Variants in CSMD3 observed in about 807,000 individuals in gnomAD.
The protein encoded by CSMD3 is CUB and Sushi multiple domains 3, also known as CUB and sushi domain-containing protein 3.
A neutral mutation model predicts 435.2 loss-of-function variants in CSMD3; 177 were observed. The ratio of observed to expected loss-of-function variants is 0.41; its 90% CI spans 0.36 to 0.46. The LOEUF (loss-of-function observed/expected upper bound fraction) is 0.46, where lower values mean the gene tolerates loss of function less well. Among genes scored for constraint, CSMD3 ranks in the 20% least tolerant of loss-of-function variants. The probability of loss-of-function intolerance (pLI) is 0.34; values close to 1 mark genes in which losing one functional copy is unlikely to be tolerated. For synonymous variants in CSMD3, 1,656 were observed against 1,520.5 expected (o/e 1.09, Z -2.07); for missense variants, 4,265 against 4,504.6 (o/e 0.95, Z 1.52).
intron 50 of CSMD3, among the ~76,000 whole-genome samples, chr8:112,307,032 G>GAA (rs71672988): frequency 7.2e-6 from 1 of 138,160 alleles, no homozygotes; most frequent in African/African-American, 2.6e-5. Flanking sequence ...CTTAGAAACA[G>GAA]AAAAAAAAAA....
chr8:112,688,839 T>G (rs868180068), intron 14 of CSMD3, among the ~76,000 whole-genome samples: 14 of 152,006 alleles, frequency 9.2e-5, no homozygotes, highest in Non-Finnish European at 1.3e-4. Context: ...AAAATTGGTT[T>G]TAGTCAGCAA....
At chr8:113,042,970 T>C (rs985846719) in intron 5 of CSMD3, among the ~76,000 whole-genome samples, 2 of 152,196 alleles carry the variant, frequency 1.3e-5, no homozygotes, top group African/African-American at 2.4e-5. Context: ...CTAAATATTC[T>C]TCTTCTGAAC....
rs558289601 is a variant in CSMD3, at chr8:112,861,927, T to C, written c.1634-2661A>G. 8.5e-5 allele frequency among the ~76,000 whole-genome samples: 13 copies of C among 152,052 alleles called. No individual in the cohort carries two copies. The East Asian group carries it at 2.5e-3, about 29-fold the overall frequency. ...GTCAAGGCCTTGTTTATCATCTTTG[T>C]TAACTCATAGTACAATGGCTTTCAT... On this transcript the variant is annotated intron_variant, in intron 10 of 70. Transcript: ENST00000297405.
intron 1 of CSMD3, among the ~76,000 whole-genome samples, chr8:113,367,794 C>G (rs1360008398): frequency 1.3e-5 from 2 of 152,028 alleles, no homozygotes; most frequent in Non-Finnish European, 2.9e-5. Context: ...AAGCCTCAAC[C>G]CAAACCATAT....
chr8:113,312,279 AC>A (rs2093875476), intron 2 of CSMD3: 1 of 152,154 alleles, frequency 6.6e-6, no homozygotes, highest in Admixed American at 6.5e-5. Flanking sequence ...TAATTATTTT[AC>A]ATTGTTTGGA....
At chr8:112,593,569 T>C (rs752626034) in intron 22 of CSMD3, among the ~76,000 whole-genome samples, 3 of 152,116 alleles carry the variant, frequency 2.0e-5, no homozygotes, top group Non-Finnish European at 4.4e-5. Flanking sequence ...ACCCATGAGA[T>C]TGATCTTTTA....
rs57096568 is a variant in CSMD3, at chr8:113,060,688, T to C, written c.917+38068A>G. Reference sequence around the variant, plus strand: ...AAATATTAAGTTCATATTATGCATTTGGATTTTCTTTAAAAAAGGTAGCCA... The same window carrying C: ...AAATATTAAGTTCATATTATGCATTCGGATTTTCTTTAAAAAAGGTAGCCA... On this transcript the variant is annotated intron_variant, in intron 5 of 70. Transcript: ENST00000297405. Among the ~76,000 whole-genome samples the C allele has an allele frequency of 9.9e-3, 1,505 of 152,268 alleles. 35 individuals carry two copies. The highest frequency in any genetic ancestry group is 0.035 in the African/African-American group (1,434 of 41,558).
chr8:112,728,045 T>C (rs537209980), intron 13 of CSMD3, among the ~76,000 whole-genome samples: 10 of 152,084 alleles, frequency 6.6e-5, no homozygotes, highest in Admixed American at 5.9e-4. Flanking sequence ...TCTTGTTGTT[T>C]ATCATAAAAG....
intron 11 of CSMD3, among the ~76,000 whole-genome samples, chr8:112,848,350 T>A (rs2080387938): frequency 6.6e-6 from 1 of 152,108 alleles, no homozygotes; most frequent in Admixed American, 6.6e-5. Context: ...TGTGCACTCA[T>A]CTTAGACTGT....
chr8:113,200,901 G>T (rs746204478), intron 3 of CSMD3, among the ~76,000 whole-genome samples: 14 of 151,806 alleles, frequency 9.2e-5, no homozygotes, highest in Non-Finnish European at 1.3e-4. Flanking sequence ...TTCATTAATG[G>T]TTCCTAGTGT....
intron 10 of CSMD3, among the ~76,000 whole-genome samples, chr8:112,920,151 G>T (rs560877378): frequency 3.0e-4 from 45 of 151,818 alleles, no homozygotes; most frequent in Non-Finnish European, 5.3e-4. Context: ...GAAAGAAGGA[G>T]GCTTATTTAA....
intron 3 of CSMD3, among the ~76,000 whole-genome samples, chr8:113,247,422 T>G (rs1450615156): frequency 6.6e-6 from 1 of 152,148 alleles, no homozygotes; most frequent in African/African-American, 2.4e-5. Context: ...GTTGTGCACC[T>G]AATAGTTTTC....
At chr8:113,371,912 C>T (rs2133054162) in intron 1 of CSMD3, among the ~76,000 whole-genome samples, 1 of 152,110 alleles carries the variant, frequency 6.6e-6, no homozygotes, top group African/African-American at 2.4e-5. Flanking sequence ...ACAGGTATTG[C>T]TCATATGGGA....
chr8:112,323,414 C>T (rs1823191914), intron 45 of CSMD3, among the ~76,000 whole-genome samples: 1 of 151,992 alleles, frequency 6.6e-6, no homozygotes, highest in Non-Finnish European at 1.5e-5. Flanking sequence ...AAATTCATGC[C>T]TTTCCTGGAA....
At chr8:112,531,254 C>T (rs1825504718) in intron 27 of CSMD3, among the ~76,000 whole-genome samples, 1 of 152,134 alleles carries the variant, frequency 6.6e-6, no homozygotes, top group African/African-American at 2.4e-5. Context: ...CTTCTAGATC[C>T]ACCCCATGCT....
chr8:113,045,091 T>C (rs1459395780), intron 5 of CSMD3, among the ~76,000 whole-genome samples: 1 of 149,242 alleles, frequency 6.7e-6, no homozygotes, highest in African/African-American at 2.4e-5. Context: ...TTTGTCTACA[T>C]GTATTACTAT....
At chr8:112,702,526 G>A (rs2076410065) in intron 13 of CSMD3, among the ~76,000 whole-genome samples, 1 of 151,978 alleles carries the variant, frequency 6.6e-6, no homozygotes, top group South Asian at 2.1e-4. Flanking sequence ...GATATCTTCT[G>A]TTTACCCACT....
At chr8:113,173,686 A>G in intron 4 of CSMD3, 36 bp downstream of exon 4, 4 of 1,503,824 alleles carry the variant, frequency 2.7e-6, no homozygotes, top group Non-Finnish European at 3.7e-6. Flanking sequence ...ACACTGGCTG[A>G]TAACAACTCT....
rs973594437 is a variant in CSMD3, at chr8:112,710,102, T to G, written c.1973-20052A>C. ...TGTGAAAAGGTAGGAGTCCAACATA[T>G]GCCAAGTTGCAGAACTACCTCCTGC... On this transcript the variant is annotated intron_variant, in intron 13 of 70. Transcript: ENST00000297405. Among the ~76,000 whole-genome samples the G allele has an allele frequency of 4.6e-5, 7 of 152,126 alleles. No individual in the cohort carries two copies. In the East Asian group the frequency reaches 5.8e-4, roughly 13 times the overall value.
Sources: allele counts gnomAD v4.1 joint callset (sites outside exome capture counted in the v4.1 genomes callset), GRCh38; gene constraint gnomAD v4.1.1; transcripts MANE v1.5; gene names NCBI Gene and HGNC (gene_info 2026-07-23, HGNC 2026-07-21).